MIPOL1: variants seen among roughly 807,000 people sequenced by gnomAD.
MIPOL1 encodes the protein mirror-image polydactyly gene 1 protein.
MIPOL1 carries 57 observed loss-of-function variants against 60.9 expected under a neutral mutation model. The ratio of observed to expected loss-of-function variants is 0.94; its 90% confidence interval spans 0.76 to 1.17. MIPOL1 has a LOEUF of 1.17. Among genes scored for constraint, MIPOL1 ranks in the 50% most tolerant of loss-of-function variants. The pLI is 0.00. For synonymous variants in MIPOL1, 179 were observed against 168.8 expected (o/e 1.06, Z -0.47); for missense variants, 551 against 511.6 (o/e 1.08, Z -0.74).
intron 11 of MIPOL1, among the ~76,000 whole-genome samples, chr14:37,485,922 A>C (rs2094939297): frequency 6.6e-6 from 1 of 152,126 alleles, no homozygotes; most frequent in Non-Finnish European, 1.5e-5. Context: ...TGTGTCCTGA[A>C]TGATATTGCC....
At chr14:37,479,081 AT>A (rs962662884) in intron 11 of MIPOL1, among the ~76,000 whole-genome samples, 5 of 151,196 alleles carry the variant, frequency 3.3e-5, no homozygotes, top group East Asian at 1.9e-4. Flanking sequence ...ATACCACTTT[AT>A]TTTTTTTTGT....
rs185598174 is a variant in MIPOL1, at chr14:37,434,171, T to C, written c.1031+11222T>C. On this transcript the variant is annotated intron_variant, in intron 11 of 12. Transcript: ENST00000684589. ...CCAACAGTGTAAAAGCATTCCTATG[T>C]CTCCACATCCTCTCCAGCCTCTGTT... 8.5e-5 allele frequency among the ~76,000 whole-genome samples: 13 copies of C among 152,296 alleles called. No homozygotes were observed. The East Asian group carries it at 2.5e-3, about 30-fold the overall frequency.
Position 37,348,108 on chromosome 14 carries a change from C to A in MIPOL1, c.829-21409C>A, listed in dbSNP as rs572306872. 7.2e-5 allele frequency among the ~76,000 whole-genome samples: 11 copies of A among 152,232 alleles called. No homozygotes were observed. In the East Asian group the frequency reaches 1.9e-3, roughly 27 times the overall value. On this transcript the variant is annotated intron_variant, in intron 9 of 12. Transcript: ENST00000684589. ...GTCCCTAGTGTCTTGTTATTCCCAT[C>A]TTTACGTCCATGCATACCCAATGTT...
intron 6 of MIPOL1, among the ~76,000 whole-genome samples, chr14:37,280,994 G>A (rs2084060506): frequency 6.6e-6 from 1 of 152,128 alleles, no homozygotes; most frequent in Non-Finnish European, 1.5e-5. Flanking sequence ...TCTTAACTGT[G>A]CAGACGCTTT....
chr14:37,518,614 C>T (rs1566760592), intron 12 of MIPOL1, among the ~76,000 whole-genome samples: 1 of 152,174 alleles, frequency 6.6e-6, no homozygotes, highest in Non-Finnish European at 1.5e-5. Context: ...GGATTATAGG[C>T]ATGAGCCACC....
At chr14:37,413,955 C>T (rs1045455616) in intron 10 of MIPOL1, among the ~76,000 whole-genome samples, 12 of 152,040 alleles carry the variant, frequency 7.9e-5, no homozygotes, top group African/African-American at 2.9e-4. Flanking sequence ...TAAATATTTA[C>T]AATTAGTGAG....
chr14:37,207,740 T>C (rs1228912006), intron 1 of MIPOL1, among the ~76,000 whole-genome samples: 11,064 of 151,974 alleles, frequency 0.073, 1,350 homozygotes, highest in African/African-American at 0.25. Flanking sequence ...GAGATGGGGT[T>C]TTACCACATT....
chr14:37,238,241 C>T (rs895016374), intron 1 of MIPOL1, among the ~76,000 whole-genome samples: 1 of 152,116 alleles, frequency 6.6e-6, no homozygotes, highest in African/African-American at 2.4e-5. Flanking sequence ...CAAACATACA[C>T]AAAAATAGAG....
In MIPOL1 at chr14:37,285,975, G is replaced by C. The variant is rs534841586; in HGVS notation, c.623+528G>C. 2.8e-4 allele frequency among the ~76,000 whole-genome samples: 42 copies of C among 152,218 alleles called. No individual in the cohort carries two copies. In the South Asian group the frequency reaches 8.1e-3, roughly 29 times the overall value. ...AGTTTAAAAAAAGAAAGAAAGAAAT[G>C]CACATCACTCTCAATACAATTACTT... On this transcript the variant is annotated intron_variant, in intron 7 of 12. Transcript: ENST00000684589.
At chr14:37,252,385 T>C (rs1594747869) in intron 3 of MIPOL1, among the ~76,000 whole-genome samples, 1 of 151,996 alleles carries the variant, frequency 6.6e-6, no homozygotes, top group South Asian at 2.1e-4. Context: ...TGGAGGCTAG[T>C]AAATATTTAA....
chr14:37,240,312 T>C (rs1972151066), intron 1 of MIPOL1: 1 of 152,206 alleles, frequency 6.6e-6, no homozygotes, highest in South Asian at 2.1e-4. Context: ...ACCTAAATGA[T>C]TATTTTTAAC....
chr14:37,494,557 G>A (rs2095090629), intron 11 of MIPOL1, among the ~76,000 whole-genome samples: 1 of 152,190 alleles, frequency 6.6e-6, no homozygotes, highest in Non-Finnish European at 1.5e-5. Flanking sequence ...AGAGAGGTCA[G>A]TGATGCAGGG....
At chr14:37,537,697 G>T (rs2095512439) in intron 12 of MIPOL1, among the ~76,000 whole-genome samples, 1 of 152,064 alleles carries the variant, frequency 6.6e-6, no homozygotes, top group African/African-American at 2.4e-5. Context: ...TAGTATTTTG[G>T]AATTCACGAT....
chr14:37,341,343 T>G (rs996676879), intron 9 of MIPOL1, among the ~76,000 whole-genome samples: 6 of 152,330 alleles, frequency 3.9e-5, no homozygotes, highest in African/African-American at 1.2e-4. Flanking sequence ...ATTTTTTTGT[T>G]TTATATTTCT....
intron 10 of MIPOL1, among the ~76,000 whole-genome samples, chr14:37,421,861 G>A (rs2093878461): frequency 6.8e-6 from 1 of 148,080 alleles, no homozygotes; most frequent in Admixed American, 6.6e-5. Flanking sequence ...TAATTCCATT[G>A]AAATTATATG....
In MIPOL1 at chr14:37,260,233, T is replaced by C. The variant is rs192222643; in HGVS notation, c.20-6705T>C. Among the ~76,000 whole-genome samples the C allele has an allele frequency of 1.2e-4, 18 of 145,594 alleles. No homozygotes were observed. In the East Asian group the frequency reaches 3.4e-3, roughly 28 times the overall value. On this transcript the variant is annotated intron_variant, in intron 3 of 12. Transcript: ENST00000684589. ...GACCAGTCTGGGCAACATAGTGAGA[T>C]CTCATCTAAAAAAAAAAAAAAAAAA...
In MIPOL1 at chr14:37,538,759, T is replaced by G. The variant is rs185378282; in HGVS notation, c.1263-8146T>G. Among the ~76,000 whole-genome samples, 274 of 152,290 alleles carry G rather than the reference T, an allele frequency of 1.8e-3. 1 individual carries two copies. The highest frequency in any genetic ancestry group is 6.1e-3 in the African/African-American group (252 of 41,550). On this transcript the variant is annotated intron_variant, in intron 12 of 12. Coordinates refer to ENST00000684589, the MANE Select transcript of MIPOL1 (RefSeq NM_001388067.1). Reference sequence around the variant, plus strand: ...CTGGCATTGCCCTCTTGCTGACTTGTGCTGACCACGTGAATAAATCCGGGC... The same window carrying G: ...CTGGCATTGCCCTCTTGCTGACTTGGGCTGACCACGTGAATAAATCCGGGC...
chr14:37,317,580 G>A (rs534335089), intron 9 of MIPOL1, among the ~76,000 whole-genome samples: 1 of 152,242 alleles, frequency 6.6e-6, no homozygotes, highest in African/African-American at 2.4e-5. Context: ...AAGAGGAAGA[G>A]GAGTGATGAG....
chr14:37,375,785 C>A (rs2092760490), intron 10 of MIPOL1, among the ~76,000 whole-genome samples: 1 of 151,482 alleles, frequency 6.6e-6, no homozygotes, highest in South Asian at 2.1e-4. Flanking sequence ...TTCATTCTTA[C>A]CATGTTACCC....
Sources: gnomAD v4.1 joint callset for allele counts (sites outside exome capture counted in the v4.1 genomes callset) on GRCh38, gnomAD v4.1.1 for gene constraint, MANE v1.5 for transcripts, NCBI Gene and HGNC (gene_info 2026-07-23, HGNC 2026-07-21) for gene names.